The following SMIM29 variants were observed in gnomAD, a reference collection of about 807,000 sequenced individuals.
SMIM29 encodes the protein small integral membrane protein 29, also known as uncharacterized protein C6orf1.
A neutral mutation model predicts 12.9 loss-of-function variants in SMIM29; 4 were observed. That is an observed-to-expected ratio of 0.31 (90% CI 0.15 to 0.71). The LOEUF (loss-of-function observed/expected upper bound fraction) is 0.71. SMIM29 is among the 30% of genes least tolerant of loss of function. SMIM29 has a pLI of 0.70. For missense variants in SMIM29, 122 were observed against 138.1 expected, an observed-to-expected ratio of 0.88 and a Z score of 0.58; for synonymous variants, 50 against 52.0, an observed-to-expected ratio of 0.96 and a Z score of 0.17.
intron 1 of SMIM29, chr6:34,248,743 C>T (rs1383999204): frequency 8.1e-6 from 8 of 985,450 alleles, no homozygotes; most frequent in Non-Finnish European, 9.6e-6. Flanking sequence ...GTATGCTCAT[C>T]GTCCCAGGTC....
Position 34,247,870 on chromosome 6 carries a change from A to T in SMIM29, c.-73-6T>A. The T allele has an allele frequency of 7.9e-7, 1 of 1,261,656 alleles. No individual in the cohort carries two copies. Among genetic ancestry groups the T allele is most frequent in the Non-Finnish European group, 9.9e-7 (1 of 1,006,540 alleles). The allele number at this position is 1,261,656 out of a possible 1,614,324, so 78.2% of individuals were successfully genotyped here. On this transcript the variant is annotated splice_region_variant and splice_polypyrimidine_tract_variant and intron_variant, in intron 1 of 4. Transcript: ENST00000476320. Reference sequence around the variant, plus strand: ...GGGCGCCTCCACTGGGCTCCCTGGGAAGGAGGAAGGGAGGTTATCAGTTGC... The same window carrying T: ...GGGCGCCTCCACTGGGCTCCCTGGGTAGGAGGAAGGGAGGTTATCAGTTGC...
rs563504840 is a variant in SMIM29, at chr6:34,248,212, G to A, written c.-73-348C>T. ...CTGCCCCAGCCCTTTTGGGGCATTG[G>A]GCTGCCAGCACCTGTCCAGTGGAGC... On this transcript the variant is annotated intron_variant, in intron 1 of 4. Coordinates refer to ENST00000476320, the MANE Select transcript of SMIM29 (RefSeq NM_001008703.4). The A allele has an allele frequency of 1.7e-5, 17 of 985,456 alleles. No homozygotes were observed. The East Asian group carries it at 1.7e-3, about 99-fold the overall frequency. The allele number at this position is 985,456 out of a possible 1,614,324, so 61.0% of individuals were successfully genotyped here. A position where few individuals can be genotyped will look rare whatever the true frequency, so the allele number is the denominator to read the frequency against.
chr6:34,246,838 G>C lies in SMIM29; in HGVS notation c.274C>G (p.His92Asp), dbSNP rs1216099326. ...VVHGWQSGYQ[H>D]KRMPLLDVKT ...ACATCCAGCAGTGGCATCCGCTTGT[G>C]CTGGTAGCCACTCTGCCAGCCATGT... is the stretch of plus-strand genomic sequence containing the variant. The change falls in exon 5 of 5, where the codon CAC (histidine) becomes GAC (aspartate). Residue 92 changes from histidine (H) to aspartate (D), a missense_variant. By Grantham distance (81) the His-to-Asp change is moderately conservative. Coordinates refer to ENST00000476320, the MANE Select transcript of SMIM29 (RefSeq NM_001008703.4). The C allele has an allele frequency of 1.9e-6, 3 of 1,611,286 alleles. No homozygotes were observed. Among genetic ancestry groups the C allele is most frequent in the Non-Finnish European group, 1.7e-6 (2 of 1,178,976 alleles).
rs375897870 is a variant in SMIM29 at position 34,246,572 on chromosome 6, A to G, written c.*231T>C. 8.6e-5 allele frequency: 138 copies of G among 1,602,748 alleles called. No individual in the cohort carries two copies. The highest frequency in any genetic ancestry group is 2.7e-4 in the Admixed American group (16 of 59,520). ...CATCCCAGAAGGAAAGCCTCTTCCC[A>G]TGAGTGCCTGTGGGTGGGCGGTGAG... On this transcript the variant is annotated 3_prime_UTR_variant, in exon 5 of 5. Coordinates refer to ENST00000476320, the MANE Select transcript of SMIM29 (RefSeq NM_001008703.4).
rs1348705478 is a variant in SMIM29 at position 34,246,399 on chromosome 6, CACAAAACATTTTATTT to C, written c.*388_*403del. 3 of 1,225,574 alleles carry C rather than the reference CACAAAACATTTTATTT, an allele frequency of 2.4e-6. No homozygotes were observed. The African/African-American group carries it at 4.6e-5, about 19-fold the overall frequency. The allele number at this position is 1,225,574 out of a possible 1,614,324, so 75.9% of individuals were successfully genotyped here. A position where few individuals can be genotyped will look rare whatever the true frequency, so the allele number is the denominator to read the frequency against. On this transcript the variant is annotated 3_prime_UTR_variant, in exon 5 of 5. Transcript: ENST00000476320. ...TCTTGATGAAATCAAAACCCCTAGC[CACAAAACATTTTATTT>C]ACAAAATATATACTGAATACTATAC...
At chr6:34,247,951 A>C in intron 1 of SMIM29, 87 bp from the exon 2 acceptor site, 1 of 1,233,384 alleles carries the variant, frequency 8.1e-7, no homozygotes, top group Non-Finnish European at 1.0e-6. Context: ...ATCTATGAAA[A>C]CTGGTCCCAG....
At chr6:34,246,997 C>T (rs1762813679) in intron 4 of SMIM29, 47 bp downstream of exon 4, 1 of 1,613,366 alleles carries the variant, frequency 6.2e-7, no homozygotes, top group Non-Finnish European at 8.5e-7. Flanking sequence ...GGGAACAGGG[C>T]TGACTCCCAC....
Position 34,246,795 on chromosome 6 carries a change from G to A in SMIM29, c.*8C>T. The A allele has an allele frequency of 1.2e-6, 2 of 1,613,098 alleles. No homozygotes were observed. The highest frequency in any genetic ancestry group is 1.7e-6 in the Non-Finnish European group (2 of 1,179,972). On this transcript the variant is annotated 3_prime_UTR_variant, in exon 5 of 5. Coordinates refer to ENST00000476320, the MANE Select transcript of SMIM29 (RefSeq NM_001008703.4). ...CCAGGCTCTGAAGGGTGGGGCAAGGGGGTCAGGTCACGTCTTGACATCCAG... is the reference window on the plus strand; with the variant it reads ...CCAGGCTCTGAAGGGTGGGGCAAGGAGGTCAGGTCACGTCTTGACATCCAG...
intron 2 of SMIM29, 44 bp from the exon 3 acceptor site, chr6:34,247,536 A>G (rs1170383031): frequency 6.4e-7 from 1 of 1,554,102 alleles, no homozygotes; most frequent in Non-Finnish European, 8.7e-7. Context: ...GAGCCCAGGA[A>G]GGCCCACAGG....
rs1039435459 is a variant in SMIM29, at chr6:34,246,681, G to A, written c.*122C>T. The A allele has an allele frequency of 3.7e-6, 6 of 1,613,944 alleles. No individual in the cohort carries two copies. The highest frequency in any genetic ancestry group is 5.1e-6 in the Non-Finnish European group (6 of 1,179,976). ...GAAGCAGATGCTGCTGAGGGTGGGT[G>A]GAGGGAGAAATGGAGACCCAGCACC... On this transcript the variant is annotated 3_prime_UTR_variant, in exon 5 of 5. Coordinates refer to ENST00000476320, the MANE Select transcript of SMIM29 (RefSeq NM_001008703.4).
chr6:34,247,582 T>G (rs1187099052), intron 2 of SMIM29, 90 bp from the exon 3 acceptor site: 1 of 1,510,660 alleles, frequency 6.6e-7, no homozygotes, highest in Non-Finnish European at 8.8e-7. Context: ...TTCACTCCCT[T>G]AACAGGACAG....
chr6:34,247,533 G>A (rs1762851331), intron 2 of SMIM29, 41 bp from the exon 3 acceptor site: 1 of 1,556,812 alleles, frequency 6.4e-7, no homozygotes, highest in Non-Finnish European at 8.7e-7. Flanking sequence ...GCTGAGCCCA[G>A]GAAGGCCCAC....
At chr6:34,248,551 C>T (rs1017455431) in intron 1 of SMIM29, 1 of 985,448 alleles carries the variant, frequency 1.0e-6, no homozygotes, top group Non-Finnish European at 1.2e-6. Context: ...AGCTGACAGG[C>T]AGAGGTGGAG....
At chr6:34,248,689 C>T (rs1762900876) in intron 1 of SMIM29, 20 of 985,544 alleles carry the variant, frequency 2.0e-5, no homozygotes, top group Non-Finnish European at 2.4e-5. Context: ...GACCTACCCC[C>T]GTGTCCGTAG....
At chr6:34,248,841 T>C in intron 1 of SMIM29, 138 bp downstream of exon 1, 1 of 985,624 alleles carries the variant, frequency 1.0e-6, no homozygotes, top group South Asian at 4.7e-5. Flanking sequence ...CCCACGGCGC[T>C]GGGAGGCTCA....
Position 34,246,798 on chromosome 6 carries a change from T to G in SMIM29, c.*5A>C. 6.2e-7 allele frequency: 1 copy of G among 1,612,510 alleles called. No homozygotes were observed. The highest frequency in any genetic ancestry group is 8.5e-7 in the Non-Finnish European group (1 of 1,179,830). On this transcript the variant is annotated 3_prime_UTR_variant, in exon 5 of 5. Coordinates refer to ENST00000476320, the MANE Select transcript of SMIM29 (RefSeq NM_001008703.4). ...GGCTCTGAAGGGTGGGGCAAGGGGGTCAGGTCACGTCTTGACATCCAGCAG... is the reference window on the plus strand; with the variant it reads ...GGCTCTGAAGGGTGGGGCAAGGGGGGCAGGTCACGTCTTGACATCCAGCAG...
In SMIM29 at chr6:34,246,754, C is replaced by G; in HGVS notation, c.*49G>C. ...GCAGGGGAAGCAGATGGCAGGGCCC[C>G]AGGCAGTCCAGGACCCCAGGCTCTG... On this transcript the variant is annotated 3_prime_UTR_variant, in exon 5 of 5. Transcript: ENST00000476320. 1 of 1,613,516 alleles carries G rather than the reference C, an allele frequency of 6.2e-7. No homozygotes were observed. Among genetic ancestry groups the G allele is most frequent in the Non-Finnish European group, 8.5e-7 (1 of 1,179,954 alleles).
chr6:34,246,660 C>T lies in SMIM29; in HGVS notation c.*143G>A, dbSNP rs1380080414. 5 of 1,613,928 alleles carry T rather than the reference C, an allele frequency of 3.1e-6. No individual in the cohort carries two copies. In the East Asian group the frequency reaches 1.1e-4, roughly 36 times the overall value. ...GAGGTGATGGTGAGGGCATGGGAAG[C>T]AGATGCTGCTGAGGGTGGGTGGAGG... is the stretch of plus-strand genomic sequence containing the variant. On this transcript the variant is annotated 3_prime_UTR_variant, in exon 5 of 5. Transcript: ENST00000476320.
chr6:34,247,932 G>C, intron 1 of SMIM29, 68 bp from the exon 2 acceptor site: 2 of 1,236,610 alleles, frequency 1.6e-6, no homozygotes, highest in Non-Finnish European at 2.0e-6. Context: ...CCCTCCCCCA[G>C]AGCTGAAGAT....
Sources: gnomAD v4.1 joint callset for allele counts on GRCh38, gnomAD v4.1.1 for gene constraint, MANE v1.5 for transcripts, NCBI Gene and HGNC (gene_info 2026-07-23, HGNC 2026-07-21) for gene names.